Variants in IL1RAPL2 observed in about 807,000 individuals in gnomAD.
IL1RAPL2 encodes interleukin 1 receptor accessory protein like 2.
A neutral mutation model predicts 44.1 loss-of-function variants in IL1RAPL2; 3 were observed. The observed-to-expected ratio is 0.07, with a 90% CI of 0.03 to 0.18. The LOEUF (loss-of-function observed/expected upper bound fraction) is 0.18. Among genes scored for constraint, IL1RAPL2 ranks in the 10% least tolerant of loss-of-function variants. The probability of loss-of-function intolerance (pLI) is 1.00; values close to 1 mark genes in which losing one functional copy is unlikely to be tolerated. For synonymous variants in IL1RAPL2, 181 were observed against 178.8 expected, an observed-to-expected ratio of 1.01 and a Z score of -0.10; for missense variants, 391 against 496.4, an observed-to-expected ratio of 0.79 and a Z score of 2.02.
chrX:104,572,766 A>G (rs754809297), intron 1 of IL1RAPL2, among the ~76,000 whole-genome samples: 12 of 109,153 alleles, frequency 1.1e-4, no homozygotes, highest in African/African-American at 3.8e-4. Context: ...TGCCCGGCTA[A>G]TTTTTGTATT....
intron 2 of IL1RAPL2, among the ~76,000 whole-genome samples, chrX:104,930,596 T>C (rs1924873262): frequency 8.9e-6 from 1 of 111,780 alleles, no homozygotes; most frequent in Non-Finnish European, 1.9e-5. Flanking sequence ...AAATGACTTA[T>C]TTAGGGACAT....
At chrX:105,622,278 A>AAATAATAAT (rs374952697) in intron 6 of IL1RAPL2, among the ~76,000 whole-genome samples, 6 of 99,418 alleles carry the variant, frequency 6.0e-5, no homozygotes, top group East Asian at 6.1e-4. Flanking sequence ...AAGTCAATAA[A>AAATAATAAT]AATAATAATA....
chrX:105,718,711 G>A (rs1207920020), intron 7 of IL1RAPL2, among the ~76,000 whole-genome samples: 2 of 111,315 alleles, frequency 1.8e-5, no homozygotes, highest in Admixed American at 1.9e-4. Flanking sequence ...CTTGAGCTCA[G>A]GAGTTTGAGA....
intron 6 of IL1RAPL2, among the ~76,000 whole-genome samples, chrX:105,538,282 C>G (rs760278713): frequency 3.6e-5 from 4 of 109,757 alleles, no homozygotes; most frequent in Non-Finnish European, 7.6e-5. Context: ...GTGATCTGCC[C>G]ACCTCGGCCT....
intron 2 of IL1RAPL2, among the ~76,000 whole-genome samples, chrX:105,129,441 A>C (rs1040146341): frequency 9.0e-6 from 1 of 110,677 alleles, no homozygotes; most frequent in Non-Finnish European, 1.9e-5. Flanking sequence ...CCAACATGTA[A>C]ATTTTGAAGG....
chrX:104,720,939 A>G (rs974807644), intron 2 of IL1RAPL2, among the ~76,000 whole-genome samples: 3 of 111,289 alleles, frequency 2.7e-5, no homozygotes, highest in African/African-American at 9.8e-5. Context: ...GTCTCAACAT[A>G]ACTGATCATT....
chrX:105,466,282 G>T (rs1256155450), intron 5 of IL1RAPL2, among the ~76,000 whole-genome samples: 1 of 108,780 alleles, frequency 9.2e-6, no homozygotes, highest in Middle Eastern at 4.7e-3. Flanking sequence ...GACATATTCA[G>T]TCAAAATATT....
At chrX:105,046,638 C>T (rs760301289) in intron 2 of IL1RAPL2, among the ~76,000 whole-genome samples, 3 of 110,976 alleles carry the variant, frequency 2.7e-5, no homozygotes, top group African/African-American at 9.8e-5. Flanking sequence ...TCCTAAGAAC[C>T]TTGGCTATAA....
chrX:105,127,580 G>T (rs978320651), intron 2 of IL1RAPL2, among the ~76,000 whole-genome samples: 2 of 110,691 alleles, frequency 1.8e-5, no homozygotes, highest in African/African-American at 6.5e-5. Flanking sequence ...AAACTGGCTT[G>T]TCCAAATTCA....
At chrX:105,307,627 A>ATAT in intron 5 of IL1RAPL2, among the ~76,000 whole-genome samples, 1 of 47,563 alleles carries the variant, frequency 2.1e-5, no homozygotes, top group African/African-American at 2.0e-4. Flanking sequence ...ATTTTCTATT[A>ATAT]TATATATTAT....
intron 6 of IL1RAPL2, among the ~76,000 whole-genome samples, chrX:105,701,535 C>T (rs1010808786): frequency 3.6e-5 from 4 of 111,135 alleles, no homozygotes; most frequent in Non-Finnish European, 7.6e-5. Flanking sequence ...CTACTTAGAT[C>T]TATATCAAGC....
intron 6 of IL1RAPL2, among the ~76,000 whole-genome samples, chrX:105,493,306 G>A (rs1366418188): frequency 9.0e-6 from 1 of 111,248 alleles, no homozygotes; most frequent in Admixed American, 9.6e-5. Flanking sequence ...TGGGTCATTC[G>A]GTCATTCTAT....
intron 2 of IL1RAPL2, among the ~76,000 whole-genome samples, chrX:104,943,080 G>C (rs775020034): frequency 3.6e-5 from 4 of 111,446 alleles, no homozygotes; most frequent in Non-Finnish European, 5.7e-5. Flanking sequence ...TTGATGTGCT[G>C]CTGGATTCGG....
intron 6 of IL1RAPL2, among the ~76,000 whole-genome samples, chrX:105,594,300 T>G (rs2037192822): frequency 8.9e-6 from 1 of 112,216 alleles, no homozygotes; most frequent in African/African-American, 3.2e-5. Context: ...TAGGTTTGGT[T>G]TAGAATCTAA....
intron 6 of IL1RAPL2, among the ~76,000 whole-genome samples, chrX:105,699,929 A>G (rs1330664819): frequency 1.8e-5 from 2 of 111,598 alleles, no homozygotes; most frequent in African/African-American, 3.2e-5. Context: ...AAAAGCGAAT[A>G]AATTACTCCT....
intron 5 of IL1RAPL2, among the ~76,000 whole-genome samples, chrX:105,310,854 A>T (rs1667333733): frequency 8.9e-6 from 1 of 111,743 alleles, no homozygotes; most frequent in Non-Finnish European, 1.9e-5. Flanking sequence ...ATTTATTGGG[A>T]CATATTTTAT....
In IL1RAPL2 at chrX:105,198,559, T is replaced by C. The variant is rs145925786; in HGVS notation, c.356+2811T>C. On this transcript the variant is annotated intron_variant, in intron 3 of 10. Transcript: ENST00000372582. The stretch of plus-strand genomic sequence containing the variant: ...CATGACTATAGTACATTTGTTACAA[T>C]TAATGAACCAATAGTGGTACATTAT... Among the ~76,000 whole-genome samples, 920 of 112,595 alleles carry C rather than the reference T, an allele frequency of 8.2e-3. 15 individuals are homozygous for C. The highest frequency in any genetic ancestry group is 0.012 in the Non-Finnish European group (615 of 53,249).
chrX:105,484,373 T>G lies in IL1RAPL2; in HGVS notation c.758T>G (p.Ile253Arg). ...CCCATGGAGAATCAGCCAAGTGTTA[T>G]AGATGTCCAGCTGGGTAAGTCCCCT... is the stretch of plus-strand genomic sequence containing the variant. ...LFPMENQPSV[I>R]DVQLGKPLNI... is the part of the protein sequence containing the mutation. The change falls in exon 6 of 11, where the codon ATA (isoleucine) becomes AGA (arginine). Residue 253 changes from isoleucine to arginine, a missense_variant. Physicochemically the swap from Ile to Arg is moderately conservative, Grantham distance 97. This residue lies in a region of IL1RAPL2 where 159 missense variants were observed against 251.7 expected (regional missense o/e 0.63). Coordinates refer to ENST00000372582, the MANE Select transcript of IL1RAPL2 (RefSeq NM_017416.2). 1 of 1,198,014 alleles carries G rather than the reference T, an allele frequency of 8.3e-7. No individual in the cohort carries two copies. The highest frequency in any genetic ancestry group is 1.1e-6 in the Non-Finnish European group (1 of 883,076).
chrX:104,827,011 A>G (rs1192532406), intron 2 of IL1RAPL2, among the ~76,000 whole-genome samples: 1 of 82,740 alleles, frequency 1.2e-5, no homozygotes. Context: ...TTTTGAGCCT[A>G]TGTGTGTCTT....
Sources: gnomAD v4.1 joint callset for allele counts (sites outside exome capture counted in the v4.1 genomes callset) on GRCh38, gnomAD v4.1.1 for gene constraint, gnomAD v4.1.1 regional missense constraint, MANE v1.5 for transcripts, NCBI Gene and HGNC (gene_info 2026-07-23, HGNC 2026-07-21) for gene names.